IQGAP2: variants seen among roughly 807,000 people sequenced by gnomAD.
The protein encoded by IQGAP2 is ras GTPase-activating-like protein IQGAP2.
IQGAP2 carries 173 observed loss-of-function variants against 201.3 expected under a neutral mutation model. The observed-to-expected ratio is 0.86, with a 90% CI of 0.76 to 0.98. The LOEUF is 0.98. IQGAP2 is among the 50% of genes least tolerant of loss of function. IQGAP2 has a pLI of 0.00. For synonymous variants in IQGAP2, 675 were observed against 673.9 expected, an observed-to-expected ratio of 1.00 and a Z score of -0.03; for missense variants, 1,687 against 1,864.8, an observed-to-expected ratio of 0.90 and a Z score of 1.76.
intron 1 of IQGAP2, among the ~76,000 whole-genome samples, chr5:76,430,097 A>ATG (rs1752279156): frequency 6.6e-6 from 1 of 152,060 alleles, no homozygotes; most frequent in Non-Finnish European, 1.5e-5. Flanking sequence ...GGTGTGAAAA[A>ATG]TGTTACCTGC....
chr5:76,689,523 C>T (rs1746089043), intron 30 of IQGAP2, among the ~76,000 whole-genome samples: 1 of 152,024 alleles, frequency 6.6e-6, no homozygotes, highest in African/African-American at 2.4e-5. Flanking sequence ...ATCCTTATGG[C>T]CTTAATTAAG....
At chr5:76,671,481 C>T (rs1465905229) in intron 23 of IQGAP2, among the ~76,000 whole-genome samples, 2 of 150,584 alleles carry the variant, frequency 1.3e-5, no homozygotes, top group Non-Finnish European at 3.0e-5. Flanking sequence ...ATCAGGAGTT[C>T]GAGACCAGCC....
intron 2 of IQGAP2, among the ~76,000 whole-genome samples, chr5:76,540,569 CTT>C (rs1311086527): frequency 1.3e-5 from 2 of 152,176 alleles, no homozygotes; most frequent in Non-Finnish European, 2.9e-5. Context: ...CAGGGAATGA[CTT>C]TGCAGCATTA....
intron 21 of IQGAP2, among the ~76,000 whole-genome samples, chr5:76,663,769 G>A (rs1743483168): frequency 6.6e-6 from 1 of 151,886 alleles, no homozygotes; most frequent in African/African-American, 2.4e-5. Flanking sequence ...CTGGCCTCAA[G>A]CCATCCTCCC....
chr5:76,631,856 C>T lies in IQGAP2; in HGVS notation c.1613-3C>T. 6.4e-7 allele frequency: 1 copy of T among 1,561,618 alleles called. No individual in the cohort carries two copies. The highest frequency in any genetic ancestry group is 1.2e-5 in the South Asian group (1 of 82,612). ...ACAAGAAACTTTTTTTTCAATTACC[C>T]AGGGGTTACTCTGGTGGTTGATGTT... is the stretch of plus-strand genomic sequence containing the variant. On this transcript the variant is annotated splice_polypyrimidine_tract_variant and splice_region_variant and intron_variant, in intron 14 of 35. Transcript: ENST00000274364.
At chr5:76,531,098 G>A (rs956777935) in intron 2 of IQGAP2, among the ~76,000 whole-genome samples, 3 of 152,138 alleles carry the variant, frequency 2.0e-5, no homozygotes, top group Non-Finnish European at 4.4e-5. Context: ...TTTCAGTTCT[G>A]GAGGCTGGGA....
At chr5:76,706,191 GTGC>G (rs1213687420) in intron 35 of IQGAP2, among the ~76,000 whole-genome samples, 1 of 151,968 alleles carries the variant, frequency 6.6e-6, no homozygotes, top group African/African-American at 2.4e-5. Context: ...ACTCTAAAAC[GTGC>G]TGTATTATAT....
chr5:76,664,962 T>A (rs1366196043), intron 21 of IQGAP2, 64 bp from the exon 22 acceptor site: 1 of 916,986 alleles, frequency 1.1e-6, no homozygotes, highest in Non-Finnish European at 1.7e-6. Flanking sequence ...CAATCCTATA[T>A]GTGAAGGGAG....
At chr5:76,574,518 C>T (rs1298420543) in intron 4 of IQGAP2, among the ~76,000 whole-genome samples, 1 of 152,242 alleles carries the variant, frequency 6.6e-6, no homozygotes, top group Non-Finnish European at 1.5e-5. Context: ...GATCGCCTGC[C>T]TCAGCCTCCC....
At chr5:76,677,070 C>G in intron 27 of IQGAP2, 148 bp from the exon 28 acceptor site, 3 of 693,810 alleles carry the variant, frequency 4.3e-6, no homozygotes, top group Non-Finnish European at 7.0e-6. Context: ...CAGCCAGGAG[C>G]CAGCCTGGAA....
chr5:76,643,805 G>T (rs1751781892), intron 17 of IQGAP2, among the ~76,000 whole-genome samples: 1 of 152,156 alleles, frequency 6.6e-6, no homozygotes, highest in Admixed American at 6.5e-5. Flanking sequence ...CTACTCTGAA[G>T]GAACTTCACT....
At chr5:76,602,675 T>C (rs1036793363) in intron 11 of IQGAP2, among the ~76,000 whole-genome samples, 1 of 152,176 alleles carries the variant, frequency 6.6e-6, no homozygotes, top group Non-Finnish European at 1.5e-5. Context: ...TATTGACACT[T>C]GTATTGGCCC....
At chr5:76,444,802 C>G (rs978804992) in intron 1 of IQGAP2, among the ~76,000 whole-genome samples, 3 of 152,140 alleles carry the variant, frequency 2.0e-5, no homozygotes, top group African/African-American at 7.2e-5. Flanking sequence ...AATCTAGAAC[C>G]TTCATCCCAT....
intron 1 of IQGAP2, among the ~76,000 whole-genome samples, chr5:76,448,757 G>A (rs1349987371): frequency 6.6e-6 from 1 of 152,152 alleles, no homozygotes. Flanking sequence ...GATCCACATG[G>A]ACTATGAATA....
At chr5:76,590,367 G>A in intron 7 of IQGAP2, 41 bp from the exon 8 acceptor site, 1 of 1,500,754 alleles carries the variant, frequency 6.7e-7, no homozygotes, top group Non-Finnish European at 9.0e-7. Context: ...GTTGTCTTTT[G>A]CTGATAAAAA....
At chr5:76,424,371 G>T (rs569252268) in intron 1 of IQGAP2, among the ~76,000 whole-genome samples, 2 of 151,992 alleles carry the variant, frequency 1.3e-5, no homozygotes, top group Non-Finnish European at 2.9e-5. Context: ...GCAATGGCAC[G>T]ATCTTGGCTC....
At chr5:76,514,183 C>T (rs778029122) in intron 2 of IQGAP2, among the ~76,000 whole-genome samples, 1 of 151,840 alleles carries the variant, frequency 6.6e-6, no homozygotes, top group Non-Finnish European at 1.5e-5. Flanking sequence ...ATCAACACAA[C>T]CGGCTAATTT....
In IQGAP2 at chr5:76,600,896, G is replaced by T. The variant is rs1449519007; in HGVS notation, c.1156G>T (p.Asp386Tyr). The change falls in exon 11 of 36, where the codon GAT becomes TAT. Residue 386 changes from aspartate (D) to tyrosine (Y), a missense_variant. Asp to Tyr is a radical substitution (Grantham distance 160, BLOSUM62 -3). Coordinates refer to ENST00000274364, the MANE Select transcript of IQGAP2 (RefSeq NM_006633.5). ...ALLNQALESN[D>Y]LVSVQNQLRS... ...ACTAAACCAGGCCTTGGAAAGCAACGATCTTGTGTCTGTGCAGAATCAACT... is the reference window on the plus strand; with the variant it reads ...ACTAAACCAGGCCTTGGAAAGCAACTATCTTGTGTCTGTGCAGAATCAACT... 4 of 1,613,982 alleles carry T rather than the reference G, an allele frequency of 2.5e-6. No homozygotes were observed. The highest frequency in any genetic ancestry group is 3.4e-6 in the Non-Finnish European group (4 of 1,179,980).
intron 1 of IQGAP2, among the ~76,000 whole-genome samples, chr5:76,448,873 C>T (rs997644522): frequency 6.6e-6 from 1 of 152,148 alleles, no homozygotes; most frequent in Non-Finnish European, 1.5e-5. Context: ...GTACATGATT[C>T]TCTTGCAGGT....
Sources: gnomAD v4.1 joint callset for allele counts (sites outside exome capture counted in the v4.1 genomes callset) on GRCh38, gnomAD v4.1.1 for gene constraint, MANE v1.5 for transcripts, NCBI Gene and HGNC (gene_info 2026-07-23, HGNC 2026-07-21) for gene names.